UBXN2A: variants seen among roughly 807,000 people sequenced by gnomAD.
UBXN2A encodes the protein UBX domain protein 2A, also known as UBX domain-containing protein 2A.
In UBXN2A, 28 loss-of-function variants were observed where a neutral mutation model predicts 28.4. That is an observed-to-expected ratio of 0.99 (90% confidence interval 0.73 to 1.35). The LOEUF (loss-of-function observed/expected upper bound fraction) is 1.35, where lower values mean the gene tolerates loss of function less well. Among genes scored for constraint, UBXN2A ranks in the 40% most tolerant of loss-of-function variants. UBXN2A has a pLI of 0.00. For missense variants in UBXN2A, 253 were observed against 297.9 expected (o/e 0.85, Z 1.11); for synonymous variants, 97 against 103.6 (o/e 0.94, Z 0.39).
intron 2 of UBXN2A, among the ~76,000 whole-genome samples, chr2:23,963,244 C>T (rs914501637): frequency 6.6e-6 from 1 of 152,028 alleles, no homozygotes; most frequent in Non-Finnish European, 1.5e-5. Flanking sequence ...ACGCCGGGCG[C>T]AGTGGCTCAC....
At chr2:23,986,956 C>G (rs1708156090) in intron 6 of UBXN2A, among the ~76,000 whole-genome samples, 1 of 151,832 alleles carries the variant, frequency 6.6e-6, no homozygotes. Flanking sequence ...TTCTTGTAGT[C>G]CCAGCAATTT....
At chr2:23,983,766 C>G (rs928480943) in intron 5 of UBXN2A, among the ~76,000 whole-genome samples, 3 of 151,986 alleles carry the variant, frequency 2.0e-5, no homozygotes, top group African/African-American at 7.2e-5. Context: ...ACTTCTGCCT[C>G]CCTGGTTCAA....
At chr2:23,982,534 G>A (rs1244811860) in intron 4 of UBXN2A, among the ~76,000 whole-genome samples, 11 of 150,388 alleles carry the variant, frequency 7.3e-5, no homozygotes, top group African/African-American at 2.0e-4. Context: ...AGTGGTTCAC[G>A]CCTATAATCC....
chr2:23,956,908 G>A (rs1333815779), intron 1 of UBXN2A, among the ~76,000 whole-genome samples: 1 of 152,076 alleles, frequency 6.6e-6, no homozygotes, highest in Non-Finnish European at 1.5e-5. Flanking sequence ...CTGGAAGATT[G>A]GTTCCAAGAC....
At position 24,003,889 on chromosome 2, in the gene UBXN2A, G is replaced by GA. The variant is rs1365628151; in HGVS notation, c.*4023dup. 2 of 152,100 alleles carry GA rather than the reference G, an allele frequency of 1.3e-5. No individual in the cohort carries two copies. Among genetic ancestry groups the GA allele is most frequent in the Non-Finnish European group, 2.9e-5 (2 of 68,024 alleles). 9.4% of individuals were successfully genotyped at this position (152,100 alleles called of 1,614,324 possible). On this transcript the variant is annotated 3_prime_UTR_variant, in exon 7 of 7. Coordinates refer to ENST00000309033, the MANE Select transcript of UBXN2A (RefSeq NM_181713.4). The stretch of plus-strand genomic sequence containing the variant: ...ATTTGCATAATTATAGTCAACATAT[G>GA]ATTCTCCATGTAGGGGTCTCTCATT...
chr2:23,933,205 TAATAAA>T (rs148671008), intron 1 of UBXN2A, among the ~76,000 whole-genome samples: 18,456 of 152,056 alleles, frequency 0.12, 1,204 homozygotes, highest in Middle Eastern at 0.21. Flanking sequence ...GAAATAGATC[TAATAAA>T]AATAAAAAGA....
Position 23,984,513 on chromosome 2 carries a change from CATAA to C in UBXN2A, c.426-155_426-152del, listed in dbSNP as rs544784943. On this transcript the variant is annotated intron_variant, in intron 5 of 6. Coordinates refer to ENST00000309033, the MANE Select transcript of UBXN2A (RefSeq NM_181713.4). ...TCTTAGAACCATCATATATTGTGGA[CATAA>C]ATAATATATCTTTCTGTTATTACTG... Among the ~76,000 whole-genome samples, 23 of 152,170 alleles carry C rather than the reference CATAA, an allele frequency of 1.5e-4. No individual in the cohort carries two copies. The South Asian group carries it at 4.6e-3, about 30-fold the overall frequency.
intron 3 of UBXN2A, among the ~76,000 whole-genome samples, chr2:23,974,607 A>G (rs1707575763): frequency 6.6e-6 from 1 of 152,026 alleles, no homozygotes; most frequent in African/African-American, 2.4e-5. Context: ...CGGCCTCCCA[A>G]AGTGCTGGGA....
intron 6 of UBXN2A, 106 bp from the exon 7 acceptor site, chr2:23,999,566 A>G (rs1708662227): frequency 3.2e-6 from 4 of 1,240,686 alleles, no homozygotes; most frequent in Non-Finnish European, 4.5e-6. Context: ...GCAAGACGCT[A>G]TCTCTAATAA....
chr2:23,931,676 A>G (rs1447694699), intron 1 of UBXN2A, among the ~76,000 whole-genome samples: 2 of 152,212 alleles, frequency 1.3e-5, no homozygotes, highest in African/African-American at 4.8e-5. Flanking sequence ...TTCATTTCCA[A>G]TGCATTTGCT....
At chr2:23,942,715 G>T (rs983962457) in intron 1 of UBXN2A, among the ~76,000 whole-genome samples, 1 of 151,590 alleles carries the variant, frequency 6.6e-6, no homozygotes, top group African/African-American at 2.4e-5. Flanking sequence ...CACCGTGCCC[G>T]GCTGATGCAG....
rs1708709398 is a variant in UBXN2A, at chr2:24,000,774, C to G, written c.*907C>G. The G allele has an allele frequency of 6.6e-6, 1 of 152,054 alleles. No individual in the cohort carries two copies. Among genetic ancestry groups the G allele is most frequent in the African/African-American group, 2.4e-5 (1 of 41,416 alleles). 9.4% of individuals were successfully genotyped at this position (152,054 alleles called of 1,614,324 possible). ...TAGTATCAAGATTAATCTGCCTACT[C>G]ACATTTCTACACTTTATAAAAATGT... On this transcript the variant is annotated 3_prime_UTR_variant, in exon 7 of 7. Coordinates refer to ENST00000309033, the MANE Select transcript of UBXN2A (RefSeq NM_181713.4).
At chr2:23,978,460 G>A (rs566164128) in intron 4 of UBXN2A, among the ~76,000 whole-genome samples, 13 of 149,976 alleles carry the variant, frequency 8.7e-5, no homozygotes, top group Admixed American at 3.3e-4. Context: ...TGGCTAACAC[G>A]GTGAAACTCT....
intron 1 of UBXN2A, among the ~76,000 whole-genome samples, chr2:23,945,706 G>T (rs1392578841): frequency 6.6e-6 from 1 of 151,634 alleles, no homozygotes; most frequent in Non-Finnish European, 1.5e-5. Flanking sequence ...TTTTTTGTTT[G>T]TTTTTGCATT....
chr2:23,944,281 C>T (rs1325402868), intron 1 of UBXN2A: 45 of 1,604,760 alleles, frequency 2.8e-5, no homozygotes, highest in Admixed American at 1.3e-4. Context: ...CTGAAGATTC[C>T]CCAGCTATAC....
rs1708746193 is a variant in UBXN2A at position 24,002,786 on chromosome 2, A to G, written c.*2919A>G. The G allele has an allele frequency of 6.6e-6, 1 of 152,230 alleles. No homozygotes were observed. Among genetic ancestry groups the G allele is most frequent in the Non-Finnish European group, 1.5e-5 (1 of 68,058 alleles). The allele number at this position is 152,230 out of a possible 1,614,324, so 9.4% of individuals were successfully genotyped here. A position where few individuals can be genotyped will look rare whatever the true frequency, so the allele number is the denominator to read the frequency against. ...TTTGGGGGGAATTACTTTCTGTCAT[A>G]AAGAAGATAGATGGGTTCTCATGTC... On this transcript the variant is annotated 3_prime_UTR_variant, in exon 7 of 7. Coordinates refer to ENST00000309033, the MANE Select transcript of UBXN2A (RefSeq NM_181713.4).
At chr2:23,971,079 A>G (rs1307208572) in intron 2 of UBXN2A, among the ~76,000 whole-genome samples, 197 bp from the exon 3 acceptor site, 1 of 152,214 alleles carries the variant, frequency 6.6e-6, no homozygotes, top group East Asian at 1.9e-4. Flanking sequence ...AAATGTTAGT[A>G]GAGCTGAGGT....
chr2:23,954,580 TG>T (rs1467367731), intron 1 of UBXN2A, among the ~76,000 whole-genome samples: 1 of 152,194 alleles, frequency 6.6e-6, no homozygotes, highest in African/African-American at 2.4e-5. Flanking sequence ...TTCTGCTTTT[TG>T]TTTTCTTTTT....
chr2:23,997,775 TG>T (rs1407189037), intron 6 of UBXN2A, among the ~76,000 whole-genome samples: 1 of 150,752 alleles, frequency 6.6e-6, no homozygotes, highest in African/African-American at 2.4e-5. Flanking sequence ...GCATTTGTTT[TG>T]ATTTTATTAG....
Sources: allele counts gnomAD v4.1 joint callset (sites outside exome capture counted in the v4.1 genomes callset), GRCh38; gene constraint gnomAD v4.1.1; transcripts MANE v1.5; gene names NCBI Gene and HGNC (gene_info 2026-07-23, HGNC 2026-07-21).